DDX10: variants seen among roughly 807,000 people sequenced by gnomAD.
DDX10 encodes the protein DEAD-box helicase 10.
Under a neutral mutation model 104.3 loss-of-function variants are expected in DDX10, and 74 were observed. The observed-to-expected ratio is 0.71, with a 90% CI of 0.59 to 0.86. DDX10 has a LOEUF of 0.86. Among genes scored for constraint, DDX10 ranks in the 40% least tolerant of loss-of-function variants. DDX10 has a pLI of 0.00. For missense variants in DDX10, 952 were observed against 1,040.0 expected (o/e 0.92, Z 1.16); for synonymous variants, 351 against 353.4 (o/e 0.99, Z 0.08).
chr11:108,913,244 T>G (rs1863703512), intron 16 of DDX10, among the ~76,000 whole-genome samples: 1 of 151,986 alleles, frequency 6.6e-6, no homozygotes, highest in Non-Finnish European at 1.5e-5. Context: ...ATCTGTAAGA[T>G]GTACATTGAT....
At chr11:108,815,194 C>G (rs991667689) in intron 13 of DDX10, among the ~76,000 whole-genome samples, 1 of 152,150 alleles carries the variant, frequency 6.6e-6, no homozygotes, top group African/African-American at 2.4e-5. Context: ...TTTATATACT[C>G]CTGGGTCTTT....
At chr11:108,811,589 A>G (rs562952057) in intron 13 of DDX10, among the ~76,000 whole-genome samples, 29 of 152,336 alleles carry the variant, frequency 1.9e-4, no homozygotes, top group African/African-American at 5.8e-4. Context: ...AACTATTTGT[A>G]TAATATCTTT....
chr11:108,698,207 T>G (rs2094262565), intron 9 of DDX10, among the ~76,000 whole-genome samples: 1 of 152,240 alleles, frequency 6.6e-6, no homozygotes, highest in African/African-American at 2.4e-5. Context: ...CTTTATGGAA[T>G]AGCTAATGAG....
chr11:108,832,125 C>T (rs886124323), intron 13 of DDX10, among the ~76,000 whole-genome samples: 1 of 151,928 alleles, frequency 6.6e-6, no homozygotes, highest in Admixed American at 6.5e-5. Flanking sequence ...TAACTCCTAT[C>T]TAATAATAGA....
intron 10 of DDX10, among the ~76,000 whole-genome samples, chr11:108,713,976 A>G (rs551590778): frequency 1.3e-5 from 2 of 152,298 alleles, no homozygotes; most frequent in African/African-American, 4.8e-5. Flanking sequence ...CCCTCCCCTC[A>G]GGTCAGTTAG....
intron 13 of DDX10, among the ~76,000 whole-genome samples, chr11:108,826,614 A>C (rs1862399196): frequency 6.6e-6 from 1 of 152,228 alleles, no homozygotes; most frequent in African/African-American, 2.4e-5. Flanking sequence ...AACTGTAACC[A>C]ACTTCTTCGC....
chr11:108,796,713 C>T (rs933694215), intron 13 of DDX10, among the ~76,000 whole-genome samples: 1 of 152,058 alleles, frequency 6.6e-6, no homozygotes, highest in African/African-American at 2.4e-5. Context: ...TGAATGTGTC[C>T]TCCAAAGTTA....
chr11:108,876,849 G>A (rs1156539390), intron 16 of DDX10, among the ~76,000 whole-genome samples: 1 of 152,120 alleles, frequency 6.6e-6, no homozygotes, highest in Non-Finnish European at 1.5e-5. Context: ...GTGTTAAAAT[G>A]TGGTAGCTTT....
At chr11:108,774,218 G>C (rs2094366945) in intron 13 of DDX10, among the ~76,000 whole-genome samples, 1 of 152,208 alleles carries the variant, frequency 6.6e-6, no homozygotes, top group African/African-American at 2.4e-5. Context: ...TTGGTTTATT[G>C]TACCTTGGGA....
At chr11:108,748,553 A>G (rs1200249080) in intron 13 of DDX10, among the ~76,000 whole-genome samples, 2 of 152,228 alleles carry the variant, frequency 1.3e-5, no homozygotes, top group Non-Finnish European at 2.9e-5. Flanking sequence ...GACAGAATGT[A>G]CTGATTACAA....
intron 16 of DDX10, among the ~76,000 whole-genome samples, chr11:108,862,473 A>T (rs146828656): frequency 5.2e-4 from 79 of 152,346 alleles, no homozygotes; most frequent in African/African-American, 1.8e-3. Flanking sequence ...CCCTGGAGTC[A>T]TTCATATTTT....
chr11:108,706,847 A>G lies in DDX10; in HGVS notation c.1322+10A>G, dbSNP rs1252269862. 4 of 1,607,256 alleles carry G rather than the reference A, an allele frequency of 2.5e-6. No homozygotes were observed. Among genetic ancestry groups the G allele is most frequent in the Non-Finnish European group, 3.4e-6 (4 of 1,173,924 alleles). ...CTGTGAAGGAAATCAAGTAAGAGCT[A>G]CTTGTTGTCTTTATGTTTTTAGGAA... On this transcript the variant is annotated intron_variant, in intron 10 of 17. Coordinates refer to ENST00000322536, the MANE Select transcript of DDX10 (RefSeq NM_004398.4).
At chr11:108,913,175 G>A (rs1162008074) in intron 16 of DDX10, among the ~76,000 whole-genome samples, 1 of 152,132 alleles carries the variant, frequency 6.6e-6, no homozygotes, top group Non-Finnish European at 1.5e-5. Flanking sequence ...ATGCGCCCAA[G>A]GTGGTCGGGG....
chr11:108,860,582 A>C (rs555560947), intron 16 of DDX10: 47 of 152,012 alleles, frequency 3.1e-4, no homozygotes, highest in African/African-American at 1.1e-3. Flanking sequence ...GTCTCACTTC[A>C]TCACCCAGGC....
intron 13 of DDX10, among the ~76,000 whole-genome samples, chr11:108,826,289 T>C (rs1862394539): frequency 1.3e-5 from 2 of 152,204 alleles, no homozygotes; most frequent in African/African-American, 4.8e-5. Context: ...AAATACACTC[T>C]GGATAGAAGT....
rs575409727 is a variant in DDX10, at chr11:108,913,307, A to G, written c.2305-4566A>G. ...AGCAGGGAGGGGACTTCCAGGTCAT[A>G]GGTAGTTAAGAGATAAACAGTTGCA... On this transcript the variant is annotated intron_variant, in intron 16 of 17. Coordinates refer to ENST00000322536, the MANE Select transcript of DDX10 (RefSeq NM_004398.4). Among the ~76,000 whole-genome samples the G allele has an allele frequency of 3.9e-5, 6 of 152,240 alleles. No individual in the cohort carries two copies. In the East Asian group the frequency reaches 9.7e-4, roughly 25 times the overall value.
At chr11:108,899,417 A>T (rs189970190) in intron 16 of DDX10, among the ~76,000 whole-genome samples, 1 of 152,268 alleles carries the variant, frequency 6.6e-6, no homozygotes, top group East Asian at 1.9e-4. Flanking sequence ...CAAAATAAAC[A>T]GGAAAAGAGG....
intron 13 of DDX10, among the ~76,000 whole-genome samples, chr11:108,805,549 A>C (rs78369657): frequency 7.1e-4 from 108 of 152,318 alleles, no homozygotes; most frequent in African/African-American, 2.5e-3. Context: ...CAATTTGTTA[A>C]GACTGTTAGC....
intron 13 of DDX10, among the ~76,000 whole-genome samples, chr11:108,768,750 T>G (rs1456270537): frequency 6.6e-6 from 1 of 152,194 alleles, no homozygotes; most frequent in East Asian, 1.9e-4. Context: ...TTTTATTTTT[T>G]AAAGTACTTC....
Sources: gnomAD v4.1 joint callset for allele counts (sites outside exome capture counted in the v4.1 genomes callset) on GRCh38, gnomAD v4.1.1 for gene constraint, MANE v1.5 for transcripts, NCBI Gene and HGNC (gene_info 2026-07-23, HGNC 2026-07-21) for gene names.